The following DNAJC5B variants were observed in gnomAD, a reference collection of about 807,000 sequenced individuals.
DNAJC5B encodes the protein DnaJ heat shock protein family (Hsp40) member C5 beta.
DNAJC5B carries 23 observed loss-of-function variants against 24.7 expected under a neutral mutation model. The ratio of observed to expected loss-of-function variants is 0.93; its 90% CI spans 0.67 to 1.32. The LOEUF is 1.32. Ranked by LOEUF, DNAJC5B falls within the 40% of genes most tolerant of loss-of-function variation. DNAJC5B has a pLI of 0.00. For synonymous variants in DNAJC5B, 101 were observed against 90.1 expected, an observed-to-expected ratio of 1.12 and a Z score of -0.68; for missense variants, 238 against 240.8, an observed-to-expected ratio of 0.99 and a Z score of 0.08.
chr8:66,035,730 T>C (rs1806469154), intron 1 of DNAJC5B, among the ~76,000 whole-genome samples: 1 of 152,236 alleles, frequency 6.6e-6, no homozygotes. Context: ...CTTTAAGCCA[T>C]GCGGTTTGTG....
rs1806900399 is a variant in DNAJC5B, at chr8:66,053,656, T to C, written c.119+1990T>C. Among the ~76,000 whole-genome samples the C allele has an allele frequency of 3.3e-5, 5 of 151,072 alleles. No homozygotes were observed. The South Asian group carries it at 1.0e-3, about 32-fold the overall frequency. On this transcript the variant is annotated intron_variant, in intron 3 of 5. Coordinates refer to ENST00000276570, the MANE Select transcript of DNAJC5B (RefSeq NM_033105.6). ...CTTTTTTTTTTTTTTTGAGATAGAG[T>C]TTCACTCTTGTTGCCCAGACTGGAG...
intron 2 of DNAJC5B, among the ~76,000 whole-genome samples, chr8:66,046,221 C>A (rs1188861772): frequency 6.6e-6 from 1 of 152,228 alleles, no homozygotes; most frequent in Admixed American, 6.5e-5. Context: ...CATTCCTCTA[C>A]TTCCAGGTAA....
chr8:66,060,999 C>CAGA (rs1284403411), intron 3 of DNAJC5B, among the ~76,000 whole-genome samples: 1 of 152,038 alleles, frequency 6.6e-6, no homozygotes, highest in Non-Finnish European at 1.5e-5. Context: ...GGAAGAAAAG[C>CAGA]AGAAGAGGGT....
At chr8:66,070,812 C>A (rs1162381164) in intron 3 of DNAJC5B, among the ~76,000 whole-genome samples, 2 of 152,080 alleles carry the variant, frequency 1.3e-5, no homozygotes, top group Non-Finnish European at 2.9e-5. Context: ...TGCTACAAGG[C>A]CACAGTAATC....
At chr8:66,033,201 G>C (rs1806397460) in intron 1 of DNAJC5B, among the ~76,000 whole-genome samples, 1 of 152,240 alleles carries the variant, frequency 6.6e-6, no homozygotes, top group Non-Finnish European at 1.5e-5. Flanking sequence ...ACGCAGGCTG[G>C]CCTGGGGCCA....
At chr8:66,034,556 G>A (rs1429525277) in intron 1 of DNAJC5B, among the ~76,000 whole-genome samples, 1 of 151,954 alleles carries the variant, frequency 6.6e-6, no homozygotes, top group Non-Finnish European at 1.5e-5. Context: ...CGTGCATGAG[G>A]GAGTTGTTGG....
intron 1 of DNAJC5B, among the ~76,000 whole-genome samples, chr8:66,040,867 T>C (rs895536059): frequency 2.0e-5 from 3 of 152,234 alleles, no homozygotes; most frequent in Non-Finnish European, 4.4e-5. Flanking sequence ...CACATTAAAA[T>C]TCTCTCCCCT....
At chr8:66,070,188 T>C (rs543876388) in intron 3 of DNAJC5B, among the ~76,000 whole-genome samples, 1 of 152,114 alleles carries the variant, frequency 6.6e-6, no homozygotes, top group Non-Finnish European at 1.5e-5. Context: ...CTATTCAACA[T>C]AGCAGTGGAA....
At chr8:66,057,200 T>C (rs1016220284) in intron 3 of DNAJC5B, 1 of 151,924 alleles carries the variant, frequency 6.6e-6, no homozygotes. Context: ...ACAAATTCTC[T>C]TGAAGCAAGT....
Position 66,080,551 on chromosome 8 carries a change from G to A in DNAJC5B, c.505+3G>A, listed in dbSNP as rs1405616801. The A allele has an allele frequency of 2.5e-6, 4 of 1,600,090 alleles. No individual in the cohort carries two copies. The highest frequency in any genetic ancestry group is 3.4e-6 in the Non-Finnish European group (4 of 1,172,978). On this transcript the variant is annotated splice_donor_region_variant and intron_variant, in intron 5 of 5. Coordinates refer to ENST00000276570, the MANE Select transcript of DNAJC5B (RefSeq NM_033105.6). ...GATCAAGTCTGACATGGAAAAAGGT[G>A]GGGTAGGATGAGAGCAGAGGTAGTG... is the stretch of plus-strand genomic sequence containing the variant.
chr8:66,086,402 G>T (rs1457702090), intron 5 of DNAJC5B, among the ~76,000 whole-genome samples: 1 of 151,990 alleles, frequency 6.6e-6, no homozygotes, highest in Admixed American at 6.5e-5. Flanking sequence ...AACTGGGTTT[G>T]GCAAGTTATA....
intron 1 of DNAJC5B, among the ~76,000 whole-genome samples, chr8:66,028,123 A>G (rs1267893451): frequency 1.3e-5 from 2 of 152,216 alleles, no homozygotes. Flanking sequence ...GTTGCTCATG[A>G]GGGCAGGTCA....
Position 66,100,917 on chromosome 8 carries a change from A to G in DNAJC5B, c.*886A>G, listed in dbSNP as rs1808060440. ...GACCAGAAATTGCTCAGCTCTGTGCATGTTACACAATTTAAGCCCAGAGGT... is the reference window on the plus strand; with the variant it reads ...GACCAGAAATTGCTCAGCTCTGTGCGTGTTACACAATTTAAGCCCAGAGGT... On this transcript the variant is annotated 3_prime_UTR_variant, in exon 6 of 6. Transcript: ENST00000276570. 6.6e-6 allele frequency among the ~76,000 whole-genome samples: 1 copy of G among 152,154 alleles called. No homozygotes were observed. The highest frequency in any genetic ancestry group is 6.5e-5 in the Admixed American group (1 of 15,270).
upstream of DNAJC5B, among the ~76,000 whole-genome samples, chr8:66,021,265 G>T (rs180802421): frequency 2.2e-4 from 34 of 152,264 alleles, 1 homozygote; most frequent in Admixed American, 1.8e-3. Context: ...ATGAGAATCT[G>T]GTCACTAGCC....
intron 1 of DNAJC5B, among the ~76,000 whole-genome samples, chr8:66,033,352 T>C (rs1235580917): frequency 6.6e-6 from 1 of 152,252 alleles, no homozygotes; most frequent in African/African-American, 2.4e-5. Context: ...CTGGTGTGCA[T>C]GCTTTGCTGG....
chr8:66,052,240 G>A lies in DNAJC5B; in HGVS notation c.119+574G>A, dbSNP rs543174726. Among the ~76,000 whole-genome samples the A allele has an allele frequency of 3.9e-4, 59 of 151,026 alleles. 1 individual carries two copies. Among genetic ancestry groups the A allele is most frequent in the African/African-American group, 1.4e-3 (57 of 40,612 alleles). The stretch of plus-strand genomic sequence containing the variant: ...CCCAAAGTGCTGGGATTACAGGCAT[G>A]AGCAACCGCGCCCTGCCAATCGCTG... On this transcript the variant is annotated intron_variant, in intron 3 of 5. Coordinates refer to ENST00000276570, the MANE Select transcript of DNAJC5B (RefSeq NM_033105.6).
chr8:66,070,099 T>C (rs1204492722), intron 3 of DNAJC5B, among the ~76,000 whole-genome samples: 1 of 152,162 alleles, frequency 6.6e-6, no homozygotes, highest in African/African-American at 2.4e-5. Flanking sequence ...CCACAGCCAA[T>C]ATCATACTGA....
intron 3 of DNAJC5B, among the ~76,000 whole-genome samples, chr8:66,064,884 T>C (rs115482448): frequency 0.016 from 2,476 of 152,254 alleles, 70 homozygotes; most frequent in African/African-American, 0.056. Context: ...CCTTCTACCT[T>C]ATTAGAGAGG....
At chr8:66,068,922 A>T (rs1330004623) in intron 3 of DNAJC5B, among the ~76,000 whole-genome samples, 1 of 152,196 alleles carries the variant, frequency 6.6e-6, no homozygotes, top group African/African-American at 2.4e-5. Context: ...CAGAAGACAG[A>T]GGACAAAAGT....
Sources: allele counts gnomAD v4.1 joint callset (sites outside exome capture counted in the v4.1 genomes callset), GRCh38; gene constraint gnomAD v4.1.1; transcripts MANE v1.5; gene names NCBI Gene and HGNC (gene_info 2026-07-23, HGNC 2026-07-21).